The following CAMK1D variants were observed in gnomAD, a reference collection of about 807,000 sequenced individuals.
CAMK1D encodes the protein calcium/calmodulin-dependent protein kinase type 1D.
Under a neutral mutation model 47.7 loss-of-function variants are expected in CAMK1D, and 9 were observed. The ratio of observed to expected loss-of-function variants is 0.19; its 90% CI spans 0.11 to 0.33. CAMK1D has a LOEUF of 0.33. CAMK1D is among the 10% of genes least tolerant of loss of function. The probability of loss-of-function intolerance (pLI) is 1.00; values close to 1 mark genes in which losing one functional copy is unlikely to be tolerated. For missense variants in CAMK1D, 291 were observed against 488.7 expected (o/e 0.60, Z 3.81); for synonymous variants, 184 against 184.9 (o/e 0.99, Z 0.04).
chr10:12,381,833 G>A (rs149649184), intron 1 of CAMK1D, among the ~76,000 whole-genome samples: 1 of 152,264 alleles, frequency 6.6e-6, no homozygotes, highest in African/African-American at 2.4e-5. Context: ...GAAATGATGA[G>A]TTCGACTGTG....
intron 1 of CAMK1D, among the ~76,000 whole-genome samples, chr10:12,495,089 A>ACTGTGAACTTCTGGG (rs1834497130): frequency 6.6e-6 from 1 of 152,234 alleles, no homozygotes; most frequent in African/African-American, 2.4e-5. Context: ...AGAAAGGTGG[A>ACTGTGAACTTCTGGG]CTGTGAACTT....
chr10:12,479,168 G>T (rs902203669), intron 1 of CAMK1D, among the ~76,000 whole-genome samples: 3 of 152,098 alleles, frequency 2.0e-5, no homozygotes, highest in Non-Finnish European at 4.4e-5. Flanking sequence ...TGGGTCCCCA[G>T]TGACGCTGGA....
chr10:12,533,953 C>T (rs547037793), intron 1 of CAMK1D, among the ~76,000 whole-genome samples: 1 of 152,258 alleles, frequency 6.6e-6, no homozygotes, highest in East Asian at 1.9e-4. Flanking sequence ...TCCAGGACGT[C>T]TCCTGGGCAA....
intron 1 of CAMK1D, among the ~76,000 whole-genome samples, chr10:12,540,215 C>A (rs1836122717): frequency 6.6e-6 from 1 of 151,788 alleles, no homozygotes; most frequent in Non-Finnish European, 1.5e-5. Context: ...CAGGCGTGAG[C>A]CACTATGCCT....
At chr10:12,712,609 C>G (rs1188900377) in intron 3 of CAMK1D, among the ~76,000 whole-genome samples, 3 of 152,102 alleles carry the variant, frequency 2.0e-5, no homozygotes, top group Non-Finnish European at 4.4e-5. Flanking sequence ...GGCGTCTCTT[C>G]TTATAGGGAC....
At chr10:12,755,844 A>G (rs1281582966) in intron 3 of CAMK1D, among the ~76,000 whole-genome samples, 2 of 152,292 alleles carry the variant, frequency 1.3e-5, no homozygotes, top group Admixed American at 1.3e-4. Context: ...TTTCAAGAGT[A>G]TCTTCCCCTT....
chr10:12,543,606 A>G (rs1369455316), intron 1 of CAMK1D, among the ~76,000 whole-genome samples: 1 of 152,196 alleles, frequency 6.6e-6, no homozygotes, highest in Non-Finnish European at 1.5e-5. Flanking sequence ...GTACATGTCT[A>G]TCTAAAGCAC....
chr10:12,702,791 C>T (rs77505622), intron 3 of CAMK1D, among the ~76,000 whole-genome samples: 19,851 of 152,128 alleles, frequency 0.13, 1,878 homozygotes, highest in Non-Finnish European at 0.17. Context: ...ATGCGTAGCA[C>T]TGGGGATGAG....
chr10:12,642,058 A>G (rs1839681823), intron 2 of CAMK1D, among the ~76,000 whole-genome samples: 1 of 151,960 alleles, frequency 6.6e-6, no homozygotes, highest in African/African-American at 2.4e-5. Context: ...TAAAAAAAAA[A>G]AAAAGAAAGA....
rs1375579052 is a variant in CAMK1D, at chr10:12,407,848, TC to T, written c.92+57939del. 1.2e-4 allele frequency among the ~76,000 whole-genome samples: 17 copies of T among 137,108 alleles called. No individual in the cohort carries two copies. The South Asian group carries it at 2.6e-3, about 21-fold the overall frequency. 89.9% of individuals were successfully genotyped at this position (137,108 alleles called of 152,430 possible). A position where few individuals can be genotyped will look rare whatever the true frequency, so the allele number is the denominator to read the frequency against. ...CTCCTCAAGGGTGTGATTGGCTGAC[TC>T]TTTTTTTTTTTTCTTTTTTTTTTTT... On this transcript the variant is annotated intron_variant, in intron 1 of 10. Coordinates refer to ENST00000619168, the MANE Select transcript of CAMK1D (RefSeq NM_153498.4).
intron 1 of CAMK1D, among the ~76,000 whole-genome samples, chr10:12,370,669 G>C (rs1009719368): frequency 6.6e-6 from 1 of 152,110 alleles, no homozygotes. Flanking sequence ...CTGCGGTGGC[G>C]TGATCTTGGC....
At chr10:12,398,220 G>C (rs999995821) in intron 1 of CAMK1D, among the ~76,000 whole-genome samples, 5 of 151,536 alleles carry the variant, frequency 3.3e-5, no homozygotes, top group African/African-American at 1.2e-4. Flanking sequence ...TTTTTCTTTA[G>C]AGTCATATTC....
intron 2 of CAMK1D, among the ~76,000 whole-genome samples, chr10:12,653,354 C>T (rs1840032221): frequency 6.6e-6 from 1 of 152,206 alleles, no homozygotes; most frequent in South Asian, 2.1e-4. Flanking sequence ...CATACCATAG[C>T]ACAGAGTTGT....
intron 2 of CAMK1D, among the ~76,000 whole-genome samples, chr10:12,626,546 T>C (rs1839221459): frequency 6.6e-6 from 1 of 151,212 alleles, no homozygotes; most frequent in African/African-American, 2.4e-5. Context: ...TGATCTTGGC[T>C]CACTGTAATC....
intron 2 of CAMK1D, among the ~76,000 whole-genome samples, chr10:12,587,476 C>T (rs1837853420): frequency 6.6e-6 from 1 of 151,426 alleles, no homozygotes; most frequent in Admixed American, 6.6e-5. Flanking sequence ...GGCTTGGCGG[C>T]ATGTTAAAAC....
At chr10:12,798,383 C>G (rs1429778632) in intron 6 of CAMK1D, among the ~76,000 whole-genome samples, 2 of 152,194 alleles carry the variant, frequency 1.3e-5, no homozygotes, top group Non-Finnish European at 2.9e-5. Flanking sequence ...GCCTAGGAGG[C>G]ACTTACTGTC....
intron 2 of CAMK1D, among the ~76,000 whole-genome samples, chr10:12,646,766 AC>A (rs1465448873): frequency 6.6e-6 from 1 of 152,178 alleles, no homozygotes; most frequent in Non-Finnish European, 1.5e-5. Context: ...CAATTATAGG[AC>A]ATTACTCGAT....
At chr10:12,433,653 G>A (rs904678159) in intron 1 of CAMK1D, among the ~76,000 whole-genome samples, 6 of 152,090 alleles carry the variant, frequency 3.9e-5, no homozygotes, top group Non-Finnish European at 7.4e-5. Context: ...GCTGGCATGC[G>A]GTTTATATTT....
At chr10:12,744,028 A>C (rs1222045748) in intron 3 of CAMK1D, among the ~76,000 whole-genome samples, 1 of 151,984 alleles carries the variant, frequency 6.6e-6, no homozygotes, top group Non-Finnish European at 1.5e-5. Context: ...GTTTCAAAAA[A>C]AAAAAAAAAA....
Sources: allele counts gnomAD v4.1 joint callset (sites outside exome capture counted in the v4.1 genomes callset), GRCh38; gene constraint gnomAD v4.1.1; transcripts MANE v1.5; gene names NCBI Gene and HGNC (gene_info 2026-07-23, HGNC 2026-07-21).